The following RYR3 variants were observed in gnomAD, a reference collection of about 807,000 sequenced individuals.
The protein encoded by RYR3 is brain ryanodine receptor-calcium release channel.
Under a neutral mutation model 584.3 loss-of-function variants are expected in RYR3, and 207 were observed. The observed-to-expected ratio is 0.35, with a 90% CI of 0.32 to 0.40. The LOEUF is 0.40. RYR3 is among the 10% of genes least tolerant of loss of function. The pLI is 1.00. For missense variants in RYR3, 5,616 were observed against 6,089.2 expected, an observed-to-expected ratio of 0.92 and a Z score of 2.59; for synonymous variants, 2,416 against 2,248.5, an observed-to-expected ratio of 1.07 and a Z score of -2.11.
intron 1 of RYR3, among the ~76,000 whole-genome samples, chr15:33,367,866 G>T (rs1975721175): frequency 6.6e-6 from 1 of 152,158 alleles, no homozygotes; most frequent in Non-Finnish European, 1.5e-5. Flanking sequence ...CTATTTTGCA[G>T]ATATGAAAAT....
chr15:33,550,116 T>C (rs773293491), intron 9 of RYR3, 44 bp from the exon 10 acceptor site: 1 of 1,595,768 alleles, frequency 6.3e-7, no homozygotes, highest in African/African-American at 1.3e-5. Flanking sequence ...GAAAAGGACT[T>C]ATTTTTGTAT....
chr15:33,525,446 C>T (rs1350313112), intron 3 of RYR3, among the ~76,000 whole-genome samples: 2 of 152,182 alleles, frequency 1.3e-5, no homozygotes, highest in African/African-American at 4.8e-5. Context: ...CAAAATATCG[C>T]ACTAGAATTG....
At chr15:33,841,402 C>T (rs542142130) in intron 90 of RYR3, among the ~76,000 whole-genome samples, 1 of 152,090 alleles carries the variant, frequency 6.6e-6, no homozygotes, top group African/African-American at 2.4e-5. Flanking sequence ...GTTTATAATC[C>T]CACTAGCAGA....
At chr15:33,457,176 T>C (rs1171214117) in intron 1 of RYR3, among the ~76,000 whole-genome samples, 2 of 152,176 alleles carry the variant, frequency 1.3e-5, no homozygotes, top group African/African-American at 2.4e-5. Context: ...TTAAGATACA[T>C]ACATATTAGC....
Position 33,823,060 on chromosome 15 carries a change from T to C in RYR3, c.11060T>C (p.Met3687Thr), listed in dbSNP as rs199931215. ...AGFFQSLSGL[M>T]QSCSVLDLNA... ...TTCTTTCAAAGCCTTTCTGGTCTTA[T>C]GCAGTCTTGCAGGTAAATGCGGGAA... The change falls in exon 81 of 104, where the codon ATG (methionine) becomes ACG (threonine). Residue 3687 changes from methionine to threonine, a missense_variant. Met to Thr is a moderately conservative substitution (Grantham distance 81). This residue lies in a region of RYR3 where 954 missense variants were observed against 1,132.2 expected (regional missense o/e 0.84). Transcript: ENST00000634891. 5.6e-6 allele frequency: 9 copies of C among 1,613,222 alleles called. No homozygotes were observed. The highest frequency in any genetic ancestry group is 1.7e-5 in the Admixed American group (1 of 59,894).
chr15:33,388,790 C>G (rs2041802436), intron 1 of RYR3, among the ~76,000 whole-genome samples: 1 of 151,930 alleles, frequency 6.6e-6, no homozygotes, highest in Non-Finnish European at 1.5e-5. Context: ...AACCTCCATG[C>G]TATAAAAGTG....
intron 66 of RYR3, among the ~76,000 whole-genome samples, chr15:33,787,489 C>A (rs968908340): frequency 4.0e-5 from 6 of 151,454 alleles, no homozygotes; most frequent in Non-Finnish European, 7.4e-5. Flanking sequence ...CTCACTCACT[C>A]ATTTTTTTCT....
chr15:33,393,040 T>C (rs2042098241), intron 1 of RYR3, among the ~76,000 whole-genome samples: 1 of 152,192 alleles, frequency 6.6e-6, no homozygotes, highest in East Asian at 1.9e-4. Flanking sequence ...CAGCCTCCTC[T>C]AAGAGCCCTG....
At chr15:33,848,803 A>G (rs2078889841) in intron 94 of RYR3, among the ~76,000 whole-genome samples, 1 of 145,846 alleles carries the variant, frequency 6.9e-6, no homozygotes, top group Non-Finnish European at 1.5e-5. Context: ...CAGCACTGCT[A>G]TAACTGCCAT....
At position 33,768,184 on chromosome 15, in the gene RYR3, A is replaced by C. The variant is rs1007603011; in HGVS notation, c.8706-474A>C. ...AATCTCACCTTGTACCTGAACCATTAACACTTTTCCAATCCCAGCTTCTTG... is the reference window on the plus strand; with the variant it reads ...AATCTCACCTTGTACCTGAACCATTCACACTTTTCCAATCCCAGCTTCTTG... On this transcript the variant is annotated intron_variant, in intron 60 of 103. Coordinates refer to ENST00000634891, the MANE Select transcript of RYR3 (RefSeq NM_001036.6). 3.3e-5 allele frequency among the ~76,000 whole-genome samples: 5 copies of C among 152,214 alleles called. No homozygotes were observed. In the East Asian group the frequency reaches 9.6e-4, roughly 29 times the overall value.
intron 5 of RYR3, among the ~76,000 whole-genome samples, chr15:33,536,618 CA>C (rs1159756830): frequency 6.6e-6 from 1 of 152,138 alleles, no homozygotes; most frequent in Admixed American, 6.5e-5. Flanking sequence ...CCCCCTTCAT[CA>C]TGGACACCCT....
chr15:33,507,442 G>T (rs914270522), intron 3 of RYR3, among the ~76,000 whole-genome samples: 1 of 152,158 alleles, frequency 6.6e-6, no homozygotes, highest in African/African-American at 2.4e-5. Context: ...CTTTACCTCT[G>T]ATCTAATCCT....
rs181769714 is a variant in RYR3, at chr15:33,619,961, C to A, written c.2358-3846C>A. ...AGGCTGGGAACTTCTGACCACAGTT[C>A]TTTTGACACAAACCTTACCACTTCT... On this transcript the variant is annotated intron_variant, in intron 19 of 103. Transcript: ENST00000634891. Among the ~76,000 whole-genome samples the A allele has an allele frequency of 2.0e-5, 3 of 152,276 alleles. No homozygotes were observed. The East Asian group carries it at 5.8e-4, about 29-fold the overall frequency.
chr15:33,413,905 G>A (rs2043592215), intron 1 of RYR3, among the ~76,000 whole-genome samples: 1 of 152,200 alleles, frequency 6.6e-6, no homozygotes, highest in Non-Finnish European at 1.5e-5. Context: ...AAAGCTCTTA[G>A]TGGCTATTTT....
At chr15:33,625,209 T>G (rs2060922846) in intron 20 of RYR3, among the ~76,000 whole-genome samples, 1 of 140,752 alleles carries the variant, frequency 7.1e-6, no homozygotes, top group East Asian at 2.1e-4. Context: ...CCATCAGATC[T>G]TATGAGAACT....
chr15:33,558,171 C>G (rs529133501), intron 10 of RYR3, among the ~76,000 whole-genome samples: 75 of 152,132 alleles, frequency 4.9e-4, no homozygotes, highest in Middle Eastern at 6.8e-3. Context: ...TATGTATACA[C>G]TTGCTATGTT....
chr15:33,855,932 TGACA>T (rs2079611712), intron 98 of RYR3: 2 of 152,184 alleles, frequency 1.3e-5, no homozygotes, highest in African/African-American at 2.4e-5. Flanking sequence ...AGTCTGTGTA[TGACA>T]GACAGGCTTC....
chr15:33,368,323 T>C (rs56737046), intron 1 of RYR3, among the ~76,000 whole-genome samples: 69 of 150,602 alleles, frequency 4.6e-4, no homozygotes, highest in African/African-American at 1.7e-3. Context: ...TGTTTCTTCA[T>C]TGTAGCCTTC....
chr15:33,458,693 CCTATCTAGT>C (rs1295725679), intron 1 of RYR3, among the ~76,000 whole-genome samples: 1 of 152,148 alleles, frequency 6.6e-6, no homozygotes, highest in Non-Finnish European at 1.5e-5. Context: ...CTATCATCTT[CCTATCTAGT>C]CCCTGTAGCC....
Sources: allele counts gnomAD v4.1 joint callset (sites outside exome capture counted in the v4.1 genomes callset), GRCh38; gene constraint gnomAD v4.1.1; regional missense constraint gnomAD v4.1.1; transcripts MANE v1.5; gene names NCBI Gene and HGNC (gene_info 2026-07-23, HGNC 2026-07-21).